PPP2R2B: variants seen among roughly 807,000 people sequenced by gnomAD.
The protein encoded by PPP2R2B is serine/threonine-protein phosphatase 2A 55 kDa regulatory subunit B beta isoform.
In PPP2R2B, 5 loss-of-function variants were observed where a neutral mutation model predicts 46.0. That is an observed-to-expected ratio of 0.11 (90% CI 0.06 to 0.23). PPP2R2B has a LOEUF of 0.23. PPP2R2B is among the 10% of genes least tolerant of loss of function. The pLI is 1.00. For synonymous variants in PPP2R2B, 215 were observed against 206.7 expected (o/e 1.04, Z -0.34); for missense variants, 367 against 575.0 (o/e 0.64, Z 3.70).
chr5:146,780,692 C>T (rs543048329), intron 2 of PPP2R2B, among the ~76,000 whole-genome samples: 22 of 152,164 alleles, frequency 1.4e-4, no homozygotes, highest in African/African-American at 5.1e-4. Context: ...ACTAGGAATC[C>T]CTGTGCTGTT....
At chr5:146,628,967 C>A (rs1774242707) in intron 7 of PPP2R2B, among the ~76,000 whole-genome samples, 1 of 152,138 alleles carries the variant, frequency 6.6e-6, no homozygotes, top group Non-Finnish European at 1.5e-5. Context: ...TGTAAAAAGC[C>A]ACCTCCTCCT....
chr5:146,617,355 G>A (rs531673913), intron 7 of PPP2R2B, among the ~76,000 whole-genome samples: 24 of 152,144 alleles, frequency 1.6e-4, no homozygotes, highest in Admixed American at 5.9e-4. Context: ...AAAAATAAAG[G>A]AGTATAACCA....
At chr5:146,643,595 G>A (rs1775372236) in intron 6 of PPP2R2B, among the ~76,000 whole-genome samples, 1 of 152,154 alleles carries the variant, frequency 6.6e-6, no homozygotes, top group Non-Finnish European at 1.5e-5. Flanking sequence ...CAGGGGGAAA[G>A]GGTGGGAAGG....
chr5:147,030,268 C>A (rs1419161858), intron 1 of PPP2R2B, among the ~76,000 whole-genome samples: 1 of 152,096 alleles, frequency 6.6e-6, no homozygotes, highest in Non-Finnish European at 1.5e-5. Context: ...TATAACCCCC[C>A]AAATCATTTT....
intron 7 of PPP2R2B, among the ~76,000 whole-genome samples, chr5:146,615,797 C>A (rs1386217765): frequency 6.6e-6 from 1 of 152,112 alleles, no homozygotes; most frequent in Non-Finnish European, 1.5e-5. Flanking sequence ...AGAATCAATA[C>A]TGCTAAAATG....
chr5:146,723,719 C>T (rs763933206), intron 2 of PPP2R2B, among the ~76,000 whole-genome samples: 3 of 152,098 alleles, frequency 2.0e-5, no homozygotes, highest in South Asian at 2.1e-4. Context: ...TTCTAAAACA[C>T]ACGCCCTGAT....
Position 146,838,624 on chromosome 5 carries a change from T to A in PPP2R2B, c.70+39378A>T, listed in dbSNP as rs144631150. Among the ~76,000 whole-genome samples the A allele has an allele frequency of 2.7e-5, 4 of 149,834 alleles. No homozygotes were observed. In the East Asian group the frequency reaches 7.8e-4, roughly 29 times the overall value. On this transcript the variant is annotated intron_variant, in intron 2 of 9. Coordinates refer to ENST00000394411, the MANE Select transcript of PPP2R2B (RefSeq NM_181675.4). ...AAGGGAGAGAAGAATGGGACAGAGT[T>A]ACATAATGGGAAGGAAAGCATACAA...
At chr5:147,025,986 G>C (rs995643953) in intron 1 of PPP2R2B, among the ~76,000 whole-genome samples, 1 of 152,074 alleles carries the variant, frequency 6.6e-6, no homozygotes, top group South Asian at 2.1e-4. Context: ...CTACCAAATG[G>C]TAGTGAGAAT....
chr5:146,584,232 A>T lies in PPP2R2B; in HGVS notation c.*5715T>A, dbSNP rs1484493906. 6.6e-6 allele frequency: 1 copy of T among 152,400 alleles called. No individual in the cohort carries two copies. Among genetic ancestry groups the T allele is most frequent in the South Asian group, 2.1e-4 (1 of 4,826 alleles). The allele number at this position is 152,400 out of a possible 1,614,324, so 9.4% of individuals were successfully genotyped here. The stretch of plus-strand genomic sequence containing the variant: ...GGATCAGCGGAGATGGCAGATCATG[A>T]TGGTTCTGCCACCAGCAGTTTAACC... On this transcript the variant is annotated 3_prime_UTR_variant, in exon 10 of 10. Transcript: ENST00000394411.
chr5:146,609,516 C>T lies in PPP2R2B; in HGVS notation c.791-9056G>A, dbSNP rs190299271. On this transcript the variant is annotated intron_variant, in intron 7 of 9. Coordinates refer to ENST00000394411, the MANE Select transcript of PPP2R2B (RefSeq NM_181675.4). The stretch of plus-strand genomic sequence containing the variant: ...CAAGATGGCCGAATAGGAACAGCTC[C>T]GGTCTACAGCTCCCAGCGTGAGCGA... Among the ~76,000 whole-genome samples, 583 of 152,272 alleles carry T rather than the reference C, an allele frequency of 3.8e-3. 4 individuals carry two copies. Among genetic ancestry groups the T allele is most frequent in the South Asian group, 0.016 (79 of 4,818 alleles).
chr5:146,649,752 C>T (rs1389084103), intron 6 of PPP2R2B, among the ~76,000 whole-genome samples: 1 of 152,102 alleles, frequency 6.6e-6, no homozygotes, highest in African/African-American at 2.4e-5. Flanking sequence ...GGCCAGCCGA[C>T]TTTTCTATAT....
intron 1 of PPP2R2B, among the ~76,000 whole-genome samples, chr5:147,013,092 A>T (rs1355747424): frequency 6.7e-6 from 1 of 150,124 alleles, no homozygotes; most frequent in Non-Finnish European, 1.5e-5. Flanking sequence ...CACCAACAAC[A>T]GACAAACAGA....
intron 1 of PPP2R2B, among the ~76,000 whole-genome samples, chr5:146,946,593 T>A (rs1046724767): frequency 3.3e-5 from 5 of 152,138 alleles, no homozygotes; most frequent in African/African-American, 1.2e-4. Context: ...CTAGAACTGT[T>A]AGGCCGAAAG....
intron 6 of PPP2R2B, among the ~76,000 whole-genome samples, chr5:146,639,141 G>T (rs1462079434): frequency 6.6e-6 from 1 of 152,138 alleles, no homozygotes; most frequent in Non-Finnish European, 1.5e-5. Flanking sequence ...TTTCATCCCA[G>T]GTGCAAAGTC....
At chr5:147,028,261 C>A (rs1334814307) in intron 1 of PPP2R2B, among the ~76,000 whole-genome samples, 1 of 152,176 alleles carries the variant, frequency 6.6e-6, no homozygotes, top group African/African-American at 2.4e-5. Context: ...CTTGATCCTG[C>A]AGGACCAAGG....
chr5:146,842,373 T>C (rs528655459), intron 2 of PPP2R2B, among the ~76,000 whole-genome samples: 1 of 146,516 alleles, frequency 6.8e-6, no homozygotes, highest in African/African-American at 2.5e-5. Flanking sequence ...ATTCTAAATC[T>C]ACCACAGTCA....
At chr5:146,794,951 C>A (rs549667076) in intron 2 of PPP2R2B, among the ~76,000 whole-genome samples, 151 of 152,212 alleles carry the variant, frequency 9.9e-4, no homozygotes, top group South Asian at 3.1e-3. Flanking sequence ...GTGGTGTCTT[C>A]CTCCTGCCCC....
At chr5:146,960,037 A>G (rs1752099327) in intron 1 of PPP2R2B, among the ~76,000 whole-genome samples, 1 of 152,166 alleles carries the variant, frequency 6.6e-6, no homozygotes, top group Non-Finnish European at 1.5e-5. Flanking sequence ...GCAAAATTGT[A>G]AACCCTTCTT....
At chr5:146,974,919 G>A (rs1352357990) in intron 1 of PPP2R2B, among the ~76,000 whole-genome samples, 3 of 151,926 alleles carry the variant, frequency 2.0e-5, no homozygotes, top group African/African-American at 2.4e-5. Flanking sequence ...TTGATCTCCC[G>A]ACCTCGTGAT....
Sources: allele counts gnomAD v4.1 joint callset (sites outside exome capture counted in the v4.1 genomes callset), GRCh38; gene constraint gnomAD v4.1.1; transcripts MANE v1.5; gene names NCBI Gene and HGNC (gene_info 2026-07-23, HGNC 2026-07-21).